TAF1B: variants seen among roughly 807,000 people sequenced by gnomAD.
TAF1B encodes TATA box-binding protein-associated factor RNA polymerase I subunit B.
Under a neutral mutation model 83.9 loss-of-function variants are expected in TAF1B, and 61 were observed. The ratio of observed to expected loss-of-function variants is 0.73; its 90% CI spans 0.59 to 0.90. The LOEUF is 0.90. TAF1B is among the 40% of genes least tolerant of loss of function. TAF1B has a pLI of 0.00. For synonymous variants in TAF1B, 221 were observed against 224.6 expected (o/e 0.98, Z 0.14); for missense variants, 625 against 677.0 (o/e 0.92, Z 0.85).
intron 7 of TAF1B, among the ~76,000 whole-genome samples, chr2:9,877,483 A>C (rs1276271649): frequency 6.6e-6 from 1 of 152,072 alleles, no homozygotes; most frequent in Non-Finnish European, 1.5e-5. Flanking sequence ...CCAAAAACTC[A>C]CAGAACCATT....
chr2:9,894,995 G>T (rs544789089), intron 8 of TAF1B, among the ~76,000 whole-genome samples: 21 of 152,268 alleles, frequency 1.4e-4, no homozygotes, highest in South Asian at 1.2e-3. Context: ...TCTGATCCTG[G>T]GGCCAAAACA....
intron 8 of TAF1B, among the ~76,000 whole-genome samples, chr2:9,894,925 C>G (rs897174582): frequency 6.6e-6 from 1 of 152,188 alleles, no homozygotes. Context: ...ATGCAACAAT[C>G]AGCAGAGCGT....
chr2:9,913,712 A>G (rs1036240639), intron 12 of TAF1B: 1 of 153,034 alleles, frequency 6.5e-6, no homozygotes. Context: ...AAAGGAAAGC[A>G]GATAGCAAGT....
At position 9,867,270 on chromosome 2, in the gene TAF1B, A is replaced by G. The variant is rs190188397; in HGVS notation, c.400-1006A>G. Among the ~76,000 whole-genome samples, 125 of 152,290 alleles carry G rather than the reference A, an allele frequency of 8.2e-4. 2 individuals are homozygous for G. Among genetic ancestry groups the G allele is most frequent in the African/African-American group, 2.9e-3 (120 of 41,574 alleles). On this transcript the variant is annotated intron_variant, in intron 5 of 14. Coordinates refer to ENST00000263663, the MANE Select transcript of TAF1B (RefSeq NM_005680.3). ...AATAGAGAAACTGGCTTTAAACAGG[A>G]GTTTGAATCGTCCAGAAGAATCAGG...
chr2:9,918,655 C>T (rs573763094), intron 12 of TAF1B, among the ~76,000 whole-genome samples: 1 of 152,340 alleles, frequency 6.6e-6, no homozygotes, highest in East Asian at 1.9e-4. Context: ...AGAAGTACTA[C>T]TAACAACTCT....
chr2:9,854,281 T>G, intron 4 of TAF1B, 45 bp from the exon 5 acceptor site: 1 of 1,380,358 alleles, frequency 7.2e-7, no homozygotes, highest in Non-Finnish European at 1.0e-6. Context: ...GTACATTTGT[T>G]GTCATAACCT....
Position 9,843,548 on chromosome 2 carries a change from C to G in TAF1B, c.7C>G (p.Leu3Val), listed in dbSNP as rs770155197. 2.6e-6 allele frequency: 4 copies of G among 1,528,698 alleles called. No individual in the cohort carries two copies. The African/African-American group carries it at 4.3e-5, about 16-fold the overall frequency. The allele number at this position is 1,528,698 out of a possible 1,614,324, so 94.7% of individuals were successfully genotyped here. A position where few individuals can be genotyped will look rare whatever the true frequency, so the allele number is the denominator to read the frequency against. The change falls in exon 1 of 15, where the codon CTC becomes GTC. Residue 3 changes from leucine (L) to valine (V), a missense_variant. Physicochemically the swap from Leu to Val is conservative, Grantham distance 32 (BLOSUM62 1). Coordinates refer to ENST00000263663, the MANE Select transcript of TAF1B (RefSeq NM_005680.3). ...AAGCTCCCGCGGCGCCGCGATGGAC[C>G]TCGAGGAGGCGGTAAGGAGGCGGTG... The part of the protein sequence containing the change: MD[L>V]EEAEEFKERC...
At chr2:9,870,170 G>A (rs569887713) in intron 6 of TAF1B, among the ~76,000 whole-genome samples, 3 of 151,858 alleles carry the variant, frequency 2.0e-5, no homozygotes, top group African/African-American at 7.2e-5. Flanking sequence ...TAAAAAAATC[G>A]TAAAAATAAA....
chr2:9,846,211 A>G, intron 2 of TAF1B: 3 of 441,746 alleles, frequency 6.8e-6, no homozygotes, highest in Non-Finnish European at 1.4e-5. Context: ...TTCAGTGTTC[A>G]TTTTACCCAT....
At chr2:9,902,918 G>A (rs778586147) in intron 8 of TAF1B, among the ~76,000 whole-genome samples, 12 of 152,100 alleles carry the variant, frequency 7.9e-5, no homozygotes, top group Admixed American at 2.0e-4. Context: ...CATGTGTGTT[G>A]TACTATAGTT....
chr2:9,906,196 ATAG>A (rs1665338458), intron 9 of TAF1B, among the ~76,000 whole-genome samples: 1 of 152,248 alleles, frequency 6.6e-6, no homozygotes, highest in Admixed American at 6.5e-5. Context: ...AGCCTGGTTA[ATAG>A]CAAGCAAGCA....
chr2:9,870,048 T>A (rs1309537241), intron 6 of TAF1B, among the ~76,000 whole-genome samples: 2 of 152,168 alleles, frequency 1.3e-5, no homozygotes, highest in Non-Finnish European at 2.9e-5. Flanking sequence ...TTATTTTGTT[T>A]TTGTAAAAAT....
At chr2:9,858,671 C>T (rs1663645059) in intron 5 of TAF1B, among the ~76,000 whole-genome samples, 1 of 152,224 alleles carries the variant, frequency 6.6e-6, no homozygotes, top group African/African-American at 2.4e-5. Flanking sequence ...AACCTCAGCC[C>T]TTGTCTTCTA....
At chr2:9,904,736 C>A in intron 8 of TAF1B, 123 bp from the exon 9 acceptor site, 1 of 959,412 alleles carries the variant, frequency 1.0e-6, no homozygotes, top group Non-Finnish European at 1.5e-6. Context: ...TTTTTCTGCA[C>A]AACTTCACCA....
intron 8 of TAF1B, among the ~76,000 whole-genome samples, chr2:9,891,679 C>T (rs1455801959): frequency 6.6e-6 from 1 of 151,872 alleles, no homozygotes; most frequent in Non-Finnish European, 1.5e-5. Context: ...ATGTTATTGC[C>T]CCTAACCCCA....
At chr2:9,863,745 GTCTT>G (rs1340666463) in intron 5 of TAF1B, among the ~76,000 whole-genome samples, 1 of 152,164 alleles carries the variant, frequency 6.6e-6, no homozygotes, top group Admixed American at 6.5e-5. Flanking sequence ...ATAACAAACT[GTCTT>G]TCAGACCACA....
At chr2:9,917,476 GTATC>G (rs58545530) in intron 12 of TAF1B, among the ~76,000 whole-genome samples, 42,335 of 151,918 alleles carry the variant, frequency 0.28, 6,855 homozygotes, top group Middle Eastern at 0.4. Context: ...TATTTCTTGA[GTATC>G]TACTAGCCAG....
intron 5 of TAF1B, among the ~76,000 whole-genome samples, chr2:9,862,258 A>G (rs1663795968): frequency 6.6e-6 from 1 of 152,232 alleles, no homozygotes; most frequent in Admixed American, 6.5e-5. Context: ...AAAGGACCTG[A>G]TGGAGCTGAA....
At chr2:9,882,826 C>A in intron 8 of TAF1B, 21 bp downstream of exon 8, 1 of 1,525,166 alleles carries the variant, frequency 6.6e-7, no homozygotes, top group Non-Finnish European at 8.9e-7. Flanking sequence ...TTCTTTTTTA[C>A]TTTCTAGTCT....
Sources: gnomAD v4.1 joint callset for allele counts (sites outside exome capture counted in the v4.1 genomes callset) on GRCh38, gnomAD v4.1.1 for gene constraint, MANE v1.5 for transcripts, NCBI Gene and HGNC (gene_info 2026-07-23, HGNC 2026-07-21) for gene names.